URB2: variants seen among roughly 807,000 people sequenced by gnomAD.
The protein encoded by URB2 is unhealthy ribosome biogenesis protein 2 homolog.
In URB2, 86 loss-of-function variants were observed where a neutral mutation model predicts 120.9. The observed-to-expected ratio is 0.71, with a 90% CI of 0.60 to 0.85. The LOEUF is 0.85. Ranked by LOEUF, URB2 falls within the 40% of genes least tolerant of loss-of-function variation. The pLI is 0.00. For synonymous variants in URB2, 755 were observed against 758.4 expected (o/e 1.00, Z 0.07); for missense variants, 1,765 against 1,836.5 (o/e 0.96, Z 0.71).
chr1:229,652,052 G>GC (rs1454531432), intron 8 of URB2, among the ~76,000 whole-genome samples: 34 of 152,106 alleles, frequency 2.2e-4, no homozygotes, highest in African/African-American at 8.0e-4. Context: ...CGTGATGGTG[G>GC]ACTCCTGTAA....
Position 229,636,797 on chromosome 1 carries a change from G to T in URB2, c.2184G>T (p.Gly728=). ...RTTASWDGQV[G]MVSGLTYPVA... is the part of the protein sequence containing the mutation. ...CGGCTTCCTGGGATGGCCAAGTTGG[G>T]ATGGTGAGTGGACTCACATACCCTG... Residue 728 remains glycine, a synonymous_variant, in exon 4 of 10, where the codon GGG becomes GGT. Coordinates refer to ENST00000258243, the MANE Select transcript of URB2 (RefSeq NM_014777.4). 1 of 1,612,554 alleles carries T rather than the reference G, an allele frequency of 6.2e-7. No homozygotes were observed. Among genetic ancestry groups the T allele is most frequent in the Non-Finnish European group, 8.5e-7 (1 of 1,178,870 alleles).
Position 229,645,897 on chromosome 1 carries a change from G to C in URB2, c.3834G>C (p.Leu1278=). ...CTGTTACACTGCTGAGGCTGCTACT[G>C]AACTGCCCACTCAGTGGAGAGAAAG... ...VSAVTLLRLL[L]NCPLSGEKAS... The change falls in exon 6 of 10, where the codon CTG becomes CTC. Residue 1278 remains leucine (L), a synonymous_variant. Coordinates refer to ENST00000258243, the MANE Select transcript of URB2 (RefSeq NM_014777.4). The C allele has an allele frequency of 2.5e-6, 4 of 1,614,158 alleles. No homozygotes were observed. Among genetic ancestry groups the C allele is most frequent in the Non-Finnish European group, 2.5e-6 (3 of 1,180,040 alleles).
chr1:229,627,523 G>T, intron 1 of URB2, 98 bp from the exon 2 acceptor site: 1 of 1,151,314 alleles, frequency 8.7e-7, no homozygotes, highest in South Asian at 2.3e-5. Context: ...TACATATTAG[G>T]TAAACAAGAT....
rs750332993 is a variant in URB2 at position 229,636,639 on chromosome 1, C to G, written c.2026C>G (p.Gln676Glu). 1 of 1,614,210 alleles carries G rather than the reference C, an allele frequency of 6.2e-7. No homozygotes were observed. The change falls in exon 4 of 10, where the codon CAG becomes GAG. Residue 676 changes from glutamine to glutamate, a missense_variant. Coordinates refer to ENST00000258243, the MANE Select transcript of URB2 (RefSeq NM_014777.4). ...FSSLGTYCLE[Q>E]LYLQKMKRTL... ...CTCTCTTGGTACATATTGCTTAGAA[C>G]AGCTGTACCTGCAGAAAATGAAAAG...
Position 229,635,802 on chromosome 1 carries a change from C to A in URB2, c.1189C>A (p.Leu397Met). 3.1e-6 allele frequency: 5 copies of A among 1,614,188 alleles called. No homozygotes were observed. Among genetic ancestry groups the A allele is most frequent in the Non-Finnish European group, 4.2e-6 (5 of 1,180,028 alleles). The change falls in exon 4 of 10, where the codon CTG becomes ATG. Residue 397 changes from leucine (L) to methionine (M), a missense_variant. Transcript: ENST00000258243. Reference sequence around the variant, plus strand: ...CTTTTACCGCCACGTGGCTGAGCTGCTGATAAACCATGCACAAGCACCCAT... The same window carrying A: ...CTTTTACCGCCACGTGGCTGAGCTGATGATAAACCATGCACAAGCACCCAT... ...FRFYRHVAEL[L>M]INHAQAPIPA...
At chr1:229,656,380 A>G (rs1380000656) in intron 9 of URB2, among the ~76,000 whole-genome samples, 1 of 152,174 alleles carries the variant, frequency 6.6e-6, no homozygotes, top group Admixed American at 6.5e-5. Flanking sequence ...TGGCCTCATT[A>G]TTCATGTCTA....
intron 1 of URB2, among the ~76,000 whole-genome samples, 152 bp downstream of exon 1, chr1:229,626,508 G>C (rs1451675417): frequency 6.6e-6 from 1 of 152,274 alleles, no homozygotes; most frequent in Non-Finnish European, 1.5e-5. Flanking sequence ...GCCGCCAGCA[G>C]ACTCTGGGCT....
chr1:229,650,363 A>G (rs1406691459), intron 7 of URB2, among the ~76,000 whole-genome samples: 2 of 152,184 alleles, frequency 1.3e-5, no homozygotes, highest in African/African-American at 2.4e-5. Flanking sequence ...TCTGCTGGAC[A>G]GTGTGTGGTT....
At chr1:229,633,948 C>T (rs1365237589) in intron 3 of URB2, among the ~76,000 whole-genome samples, 1 of 151,916 alleles carries the variant, frequency 6.6e-6, no homozygotes, top group East Asian at 1.9e-4. Flanking sequence ...TCTTGTGCCT[C>T]AGCCTCCCGA....
At position 229,635,756 on chromosome 1, in the gene URB2, G is replaced by T. The variant is rs766897126; in HGVS notation, c.1143G>T (p.Arg381=). The T allele has an allele frequency of 8.7e-6, 14 of 1,614,126 alleles. No homozygotes were observed. The highest frequency in any genetic ancestry group is 1.0e-5 in the Non-Finnish European group (12 of 1,180,024). The change falls in exon 4 of 10, where the codon CGG becomes CGT. Residue 381 remains arginine (R), a synonymous_variant. Coordinates refer to ENST00000258243, the MANE Select transcript of URB2 (RefSeq NM_014777.4). ...NIYNIAADRI[R]HEEAQFRFYR... Reference sequence around the variant, plus strand: ...ACAACATCGCTGCCGACAGAATTCGGCACGAAGAGGCTCAGTTCCGCTTTT... The same window carrying T: ...ACAACATCGCTGCCGACAGAATTCGTCACGAAGAGGCTCAGTTCCGCTTTT...
At position 229,626,740 on chromosome 1, in the gene URB2, C is replaced by G. The variant is rs558404807; in HGVS notation, c.-14+384C>G. ...AGAGCATCTCGGTTGTCTTTGTAGC[C>G]AGTTCAGCAAACACCTGTTATGCAC... On this transcript the variant is annotated intron_variant, in intron 1 of 9. Coordinates refer to ENST00000258243, the MANE Select transcript of URB2 (RefSeq NM_014777.4). 3.2e-4 allele frequency among the ~76,000 whole-genome samples: 48 copies of G among 152,220 alleles called. 1 individual carries two copies. The highest frequency in any genetic ancestry group is 1.7e-3 in the South Asian group (8 of 4,828).
chr1:229,649,773 C>G (rs1046326998), intron 7 of URB2, among the ~76,000 whole-genome samples: 2 of 152,168 alleles, frequency 1.3e-5, no homozygotes, highest in African/African-American at 2.4e-5. Context: ...AGTGCTGTTC[C>G]AAGCACTTTA....
intron 8 of URB2, among the ~76,000 whole-genome samples, chr1:229,653,311 A>G (rs548405225): frequency 2.6e-5 from 4 of 152,350 alleles, no homozygotes; most frequent in African/African-American, 7.2e-5. Flanking sequence ...TATACAATGT[A>G]TGCATAACAA....
chr1:229,657,222 GTGT>G (rs2102802970), intron 9 of URB2, among the ~76,000 whole-genome samples: 1 of 152,340 alleles, frequency 6.6e-6, no homozygotes, highest in Non-Finnish European at 1.5e-5. Flanking sequence ...AGTGATCTTA[GTGT>G]TGTAGAAATT....
intron 8 of URB2, among the ~76,000 whole-genome samples, chr1:229,653,936 G>GTTTTTTTTTTTT (rs760894683): frequency 3.3e-5 from 2 of 60,552 alleles, no homozygotes; most frequent in African/African-American, 6.7e-5. Context: ...CCATCTTGGT[G>GTTTTTTTTTTTT]TTTTTTTTTT....
At chr1:229,643,418 C>A in intron 4 of URB2, 115 bp from the exon 5 acceptor site, 1 of 1,214,638 alleles carries the variant, frequency 8.2e-7, no homozygotes, top group Non-Finnish European at 1.2e-6. Flanking sequence ...TCACCATGCC[C>A]CTAACTTGGT....
intron 4 of URB2, among the ~76,000 whole-genome samples, chr1:229,642,000 A>G (rs1666024081): frequency 6.6e-6 from 1 of 152,070 alleles, no homozygotes; most frequent in Admixed American, 6.5e-5. Context: ...ATGGAGTGAG[A>G]CCCTGTCTCC....
intron 4 of URB2, among the ~76,000 whole-genome samples, chr1:229,641,688 G>C (rs1243298552): frequency 1.3e-5 from 2 of 152,190 alleles, no homozygotes; most frequent in Non-Finnish European, 2.9e-5. Context: ...TCTGACAGCA[G>C]AACAGAGGAC....
intron 9 of URB2, among the ~76,000 whole-genome samples, chr1:229,658,177 C>T (rs773417208): frequency 1.7e-4 from 26 of 152,272 alleles, no homozygotes; most frequent in Admixed American, 2.6e-4. Context: ...TTTTTAGTTT[C>T]AGTTACTAGG....
Sources: gnomAD v4.1 joint callset for allele counts (sites outside exome capture counted in the v4.1 genomes callset) on GRCh38, gnomAD v4.1.1 for gene constraint, MANE v1.5 for transcripts, NCBI Gene and HGNC (gene_info 2026-07-23, HGNC 2026-07-21) for gene names.